DBF4B: variants seen among roughly 807,000 people sequenced by gnomAD.
DBF4B encodes the protein DBF4B-CDC7 kinase regulatory subunit, also known as protein DBF4 homolog B.
DBF4B carries 49 observed loss-of-function variants against 53.4 expected under a neutral mutation model. The observed-to-expected ratio is 0.92, with a 90% CI of 0.73 to 1.16. The LOEUF (loss-of-function observed/expected upper bound fraction) is 1.16. Among genes scored for constraint, DBF4B ranks in the 50% most tolerant of loss-of-function variants. The pLI is 0.00. For missense variants in DBF4B, 692 were observed against 775.0 expected (o/e 0.89, Z 1.27); for synonymous variants, 257 against 288.7 (o/e 0.89, Z 1.11).
intron 4 of DBF4B, 29 bp downstream of exon 4, chr17:44,730,125 T>C (rs1455264734): frequency 1.2e-6 from 2 of 1,602,504 alleles, no homozygotes; most frequent in East Asian, 2.2e-5. Context: ...AAAGGTATGC[T>C]GTGTAAACAA....
At chr17:44,744,131 G>C (rs560137696) in intron 10 of DBF4B, among the ~76,000 whole-genome samples, 6 of 123,182 alleles carry the variant, frequency 4.9e-5, no homozygotes, top group African/African-American at 1.9e-4. Flanking sequence ...AAAAAATCTG[G>C]CCAGACACAG....
chr17:44,720,193 A>C (rs1341435559), intron 2 of DBF4B: 1 of 365,636 alleles, frequency 2.7e-6, no homozygotes, highest in Non-Finnish European at 5.3e-6. Flanking sequence ...CAGTTTTCTC[A>C]CATGCTGACT....
intron 2 of DBF4B, among the ~76,000 whole-genome samples, chr17:44,713,991 G>C (rs1045266317): frequency 6.6e-6 from 1 of 152,078 alleles, no homozygotes; most frequent in Non-Finnish European, 1.5e-5. Flanking sequence ...ATACTACTTA[G>C]CCATAAAAAG....
At chr17:44,739,851 A>G (rs1294649461) in intron 9 of DBF4B, among the ~76,000 whole-genome samples, 2 of 152,026 alleles carry the variant, frequency 1.3e-5, no homozygotes, top group Admixed American at 6.5e-5. Context: ...GCTCACTGCA[A>G]CCCCTGCCTC....
intron 8 of DBF4B, among the ~76,000 whole-genome samples, chr17:44,737,616 G>T (rs904499235): frequency 6.6e-6 from 1 of 152,030 alleles, no homozygotes; most frequent in Non-Finnish European, 1.5e-5. Flanking sequence ...CTGTCAGATG[G>T]GCCCAGGATT....
intron 2 of DBF4B, among the ~76,000 whole-genome samples, chr17:44,716,246 G>A (rs748202318): frequency 1.6e-4 from 24 of 152,008 alleles, no homozygotes; most frequent in Non-Finnish European, 3.2e-4. Flanking sequence ...CTGGGACCTG[G>A]CAATTTTGTG....
intron 3 of DBF4B, among the ~76,000 whole-genome samples, chr17:44,726,285 G>A (rs1445503131): frequency 3.0e-5 from 2 of 67,122 alleles, no homozygotes; most frequent in African/African-American, 4.9e-5. Context: ...CATCGCACCC[G>A]GCCCTTTTTT....
chr17:44,751,632 C>A lies in DBF4B; in HGVS notation c.*379C>A. On this transcript the variant is annotated 3_prime_UTR_variant, in exon 14 of 14. Transcript: ENST00000315005. ...AAACACTTGAGTTGATTCAGTAAAT[C>A]GACTTCAAATACTTGAAGGCTCCCA... is the stretch of plus-strand genomic sequence containing the variant. 1.5e-6 allele frequency: 2 copies of A among 1,370,156 alleles called. No individual in the cohort carries two copies. Among genetic ancestry groups the A allele is most frequent in the South Asian group, 3.4e-5 (2 of 58,810 alleles). 84.9% of individuals were successfully genotyped at this position (1,370,156 alleles called of 1,614,324 possible). A position where few individuals can be genotyped will look rare whatever the true frequency, so the allele number is the denominator to read the frequency against.
chr17:44,751,819 T>C lies in DBF4B; in HGVS notation c.*566T>C. 6.5e-7 allele frequency: 1 copy of C among 1,531,350 alleles called. No homozygotes were observed. The highest frequency in any genetic ancestry group is 8.7e-7 in the Non-Finnish European group (1 of 1,143,938). 94.9% of individuals were successfully genotyped at this position (1,531,350 alleles called of 1,614,324 possible). A position where few individuals can be genotyped will look rare whatever the true frequency, so the allele number is the denominator to read the frequency against. On this transcript the variant is annotated 3_prime_UTR_variant, in exon 14 of 14. Transcript: ENST00000315005. ...CTACTGGTGACCAAAGTTGGTTCCT[T>C]TTCTCCTTTCTTTCCTCCTTGAAGC...
At chr17:44,716,148 TC>T (rs770971741) in intron 2 of DBF4B, among the ~76,000 whole-genome samples, 12 of 152,092 alleles carry the variant, frequency 7.9e-5, no homozygotes, top group Non-Finnish European at 1.3e-4. Flanking sequence ...GTTAGAAACT[TC>T]CTTTAAATGT....
intron 9 of DBF4B, among the ~76,000 whole-genome samples, chr17:44,740,857 C>T (rs754691527): frequency 6.6e-6 from 1 of 152,066 alleles, no homozygotes; most frequent in African/African-American, 2.4e-5. Flanking sequence ...AGGGAGGGGC[C>T]GGGCGTGGTG....
intron 9 of DBF4B, among the ~76,000 whole-genome samples, chr17:44,740,865 G>T (rs949474556): frequency 2.6e-5 from 4 of 152,206 alleles, no homozygotes; most frequent in African/African-American, 9.6e-5. Flanking sequence ...GCCGGGCGTG[G>T]TGGCTCACGC....
chr17:44,710,591 T>G (rs1972779753), intron 2 of DBF4B, among the ~76,000 whole-genome samples: 1 of 152,154 alleles, frequency 6.6e-6, no homozygotes, highest in Admixed American at 6.6e-5. Context: ...TTTTATTTAT[T>G]TTGAGGTCTT....
chr17:44,710,923 A>T (rs1348728844), intron 2 of DBF4B, among the ~76,000 whole-genome samples: 1 of 150,070 alleles, frequency 6.7e-6, no homozygotes, highest in East Asian at 1.9e-4. Flanking sequence ...TTACTATAAG[A>T]TGATAATGTG....
intron 13 of DBF4B, chr17:44,750,108 G>A (rs935380478): frequency 1.1e-5 from 11 of 995,026 alleles, no homozygotes; most frequent in South Asian, 9.1e-5. Flanking sequence ...CGGCTGTTCC[G>A]GGGCCAGTGT....
In DBF4B at chr17:44,747,229, G is replaced by T. The variant is rs1344544361; in HGVS notation, c.939+38G>T. 2.5e-6 allele frequency: 4 copies of T among 1,609,038 alleles called. No homozygotes were observed. The East Asian group carries it at 8.9e-5, about 36-fold the overall frequency. On this transcript the variant is annotated intron_variant, in intron 11 of 13. Transcript: ENST00000315005. ...CCCATTAAGCAGCTGCTCCCAGAGTGCCCTGAGGGAGCCTGCTCACTGGGG... is the reference window on the plus strand; with the variant it reads ...CCCATTAAGCAGCTGCTCCCAGAGTTCCCTGAGGGAGCCTGCTCACTGGGG...
At chr17:44,721,048 T>TG (rs1973793357) in intron 2 of DBF4B, among the ~76,000 whole-genome samples, 1 of 152,010 alleles carries the variant, frequency 6.6e-6, no homozygotes, top group Non-Finnish European at 1.5e-5. Flanking sequence ...GTATTTTTAG[T>TG]GGAGACGGGG....
At chr17:44,724,274 G>A (rs138885602) in intron 3 of DBF4B, among the ~76,000 whole-genome samples, 401 of 152,290 alleles carry the variant, frequency 2.6e-3, no homozygotes, top group Middle Eastern at 0.01. Flanking sequence ...GCACATGCCT[G>A]TAGTCTCCGT....
chr17:44,748,286 C>T, intron 12 of DBF4B, 55 bp from the exon 13 acceptor site: 1 of 1,545,396 alleles, frequency 6.5e-7, no homozygotes, highest in Non-Finnish European at 8.7e-7. Flanking sequence ...TCAGCCCTGG[C>T]CCAGGCCTGC....
Sources: allele counts gnomAD v4.1 joint callset (sites outside exome capture counted in the v4.1 genomes callset), GRCh38; gene constraint gnomAD v4.1.1; transcripts MANE v1.5; gene names NCBI Gene and HGNC (gene_info 2026-07-23, HGNC 2026-07-21).